The following FAM90A1 variants were observed in gnomAD, a reference collection of about 807,000 sequenced individuals.
FAM90A1 encodes protein FAM90A1.
A neutral mutation model predicts 14.8 loss-of-function variants in FAM90A1; 10 were observed. The observed-to-expected ratio is 0.67, with a 90% CI of 0.42 to 1.14. FAM90A1 has a LOEUF of 1.14. Ranked by LOEUF, FAM90A1 falls within the 50% of genes most tolerant of loss-of-function variation. The probability of loss-of-function intolerance (pLI) is 0.00; values close to 1 mark genes in which losing one functional copy is unlikely to be tolerated. For synonymous variants in FAM90A1, 236 were observed against 248.4 expected, an observed-to-expected ratio of 0.95 and a Z score of 0.47; for missense variants, 567 against 602.8, an observed-to-expected ratio of 0.94 and a Z score of 0.62.
chr12:8,222,666 G>A lies in FAM90A1; in HGVS notation c.551C>T (p.Ser184Phe), dbSNP rs781350291. Residue 184 changes from serine to phenylalanine, a missense_variant, in exon 7 of 7, where the codon TCT becomes TTT. Coordinates refer to ENST00000538603, the MANE Select transcript of FAM90A1 (RefSeq NM_018088.3). ...GCTCAGACTGGCTTTTCTGAGGGGA[G>A]ACAGTGAAGCTAAGACGGAGCCCCT... ...SDRGSVLASL[S>F]PLRKASLSSS... 32 of 1,610,996 alleles carry A rather than the reference G, an allele frequency of 2.0e-5. No homozygotes were observed. The highest frequency in any genetic ancestry group is 2.5e-5 in the Non-Finnish European group (29 of 1,179,870).
At position 8,222,276 on chromosome 12, in the gene FAM90A1, T is replaced by C. The variant is rs368454789; in HGVS notation, c.941A>G (p.Gln314Arg). ...TCCCTGGATGGCGCTTTCGGGGATC[T>C]GGAAGGGACCCAGTCTCGGTTTCTT... is the stretch of plus-strand genomic sequence containing the variant. ...FPKKPRLGPFQIPESAIQGGE... is the reference protein window; with the variant it reads ...FPKKPRLGPFRIPESAIQGGE... The change falls in exon 7 of 7, where the codon CAG (glutamine) becomes CGG (arginine). Residue 314 changes from glutamine to arginine, a missense_variant. Gln to Arg is a conservative substitution (Grantham distance 43). Transcript: ENST00000538603. The C allele has an allele frequency of 8.2e-5, 132 of 1,611,346 alleles. No individual in the cohort carries two copies. The African/African-American group carries it at 1.5e-3, about 18-fold the overall frequency.
rs756600448 is a variant in FAM90A1 at position 8,221,870 on chromosome 12, G to A, written c.1347C>T (p.Asp449=). The part of the protein sequence containing the change: ...VRVPPSVLYE[D]LQVPSSSEDS... ...CCTCTGAGGAGGAGGGAACCTGAAG[G>A]TCCTCATAGAGGACGCTTGGTGGGA... is the stretch of plus-strand genomic sequence containing the variant. Residue 449 remains aspartate, a synonymous_variant, in exon 7 of 7, where the codon GAC becomes GAT. Transcript: ENST00000538603. The A allele has an allele frequency of 1.3e-5, 21 of 1,596,306 alleles. No individual in the cohort carries two copies. The highest frequency in any genetic ancestry group is 1.6e-5 in the Non-Finnish European group (19 of 1,179,740).
chr12:8,223,512 C>T lies in FAM90A1; in HGVS notation c.369G>A (p.Arg123=). ...TTGGCAGCGGCTTCTCTGGAGGTTT[C>T]CTGGAAAATATGTGGAGGAGAGCCT... ...QRKALLHIFS[R]KPPEKPLPNQ... is the part of the protein sequence containing the mutation. The change falls in exon 6 of 7, where the codon AGG becomes AGA. Residue 123 remains arginine (R), a synonymous_variant. Transcript: ENST00000538603. 6.2e-7 allele frequency: 1 copy of T among 1,608,650 alleles called. No individual in the cohort carries two copies. The highest frequency in any genetic ancestry group is 8.5e-7 in the Non-Finnish European group (1 of 1,176,716).
At position 8,222,141 on chromosome 12, in the gene FAM90A1, C is replaced by T; in HGVS notation, c.1076G>A (p.Gly359Asp). Residue 359 changes from glycine to aspartate, a missense_variant, in exon 7 of 7, where the codon GGC becomes GAC. Coordinates refer to ENST00000538603, the MANE Select transcript of FAM90A1 (RefSeq NM_018088.3). Reference sequence around the variant, plus strand: ...TCTGCTGTGCGGAGGCTGCCGGTCGCCGCTAAGCACCTGGGCGGGTGTCCT... The same window carrying T: ...TCTGCTGTGCGGAGGCTGCCGGTCGTCGCTAAGCACCTGGGCGGGTGTCCT... ...GTRTPAQVLSGDRQPPHSRPC... is the reference protein window; with the variant it reads ...GTRTPAQVLSDDRQPPHSRPC... 3 of 1,612,038 alleles carry T rather than the reference C, an allele frequency of 1.9e-6. No homozygotes were observed. Among genetic ancestry groups the T allele is most frequent in the Non-Finnish European group, 2.5e-6 (3 of 1,179,846 alleles).
At chr12:8,226,093 C>T (rs1380608359) in intron 2 of FAM90A1, 101 bp from the exon 3 acceptor site, 1 of 152,128 alleles carries the variant, frequency 6.6e-6, no homozygotes, top group Non-Finnish European at 1.5e-5. Flanking sequence ...GCACAGCCCA[C>T]TCTAAGATCA....
Position 8,224,166 on chromosome 12 carries a change from C to G in FAM90A1, c.173G>C (p.Arg58Thr), listed in dbSNP as rs139813393. 1.3e-5 allele frequency: 21 copies of G among 1,611,922 alleles called. No individual in the cohort carries two copies. The highest frequency in any genetic ancestry group is 1.8e-5 in the Non-Finnish European group (21 of 1,179,852). The change falls in exon 5 of 7, where the codon AGG becomes ACG. Residue 58 changes from arginine (R) to threonine (T), a missense_variant. Physicochemically the swap from Arg to Thr is moderately conservative, Grantham distance 71. Transcript: ENST00000538603. ...EAFGHTARSTRCPMKCWKAAL... is the reference protein window; with the variant it reads ...EAFGHTARSTTCPMKCWKAAL... ...TGCCTTCCAGCACTTCATGGGGCAC[C>G]TGGTACTTCTGGCCGTGTGGCCAAA...
rs773724484 is a variant in FAM90A1 at position 8,222,110 on chromosome 12, G to T, written c.1107C>A (p.Cys369Ter). 2.0e-5 allele frequency: 32 copies of T among 1,611,274 alleles called. No individual in the cohort carries two copies. Among genetic ancestry groups the T allele is most frequent in the Non-Finnish European group, 1.5e-5 (18 of 1,180,004 alleles). ...TGGTGCAGGCCTGGGCAGTAGGCAG[G>T]CAAGGTCTGCTGTGCGGAGGCTGCC... ...GDRQPPHSRPCLPTAQACTMS... is the reference protein window; with the variant it reads ...GDRQPPHSRP Residue 369 changes from cysteine to a stop codon, truncating the protein, a stop_gained, in exon 7 of 7, where the codon TGC becomes TGA. Transcript: ENST00000538603. LOFTEE classifies it low-confidence loss of function (END_TRUNC).
Position 8,224,703 on chromosome 12 carries a change from G to C in FAM90A1, c.123+7C>G, listed in dbSNP as rs1477259799. The stretch of plus-strand genomic sequence containing the variant: ...CCAATACCCAAGAGATCCAGGGCTA[G>C]ACTTACCCTGGGATCTTCTTCATCG... On this transcript the variant is annotated splice_region_variant and intron_variant, in intron 4 of 6. Coordinates refer to ENST00000538603, the MANE Select transcript of FAM90A1 (RefSeq NM_018088.3). 5 of 1,468,762 alleles carry C rather than the reference G, an allele frequency of 3.4e-6. No homozygotes were observed. Among genetic ancestry groups the C allele is most frequent in the African/African-American group, 2.9e-5 (2 of 69,918 alleles). The allele number at this position is 1,468,762 out of a possible 1,614,324, so 91.0% of individuals were successfully genotyped here.
intron 2 of FAM90A1, 69 bp from the exon 3 acceptor site, chr12:8,226,061 C>G (rs1368463549): frequency 6.6e-6 from 1 of 152,030 alleles, no homozygotes; most frequent in Non-Finnish European, 1.5e-5. Context: ...AATCCAATTA[C>G]ATGACTCGGA....
chr12:8,224,107 C>T lies in FAM90A1; in HGVS notation c.232G>A (p.Gly78Arg). ...LVPPNFGEKEGKENLKPWKPQ... is the reference protein window; with the variant it reads ...LVPPNFGEKERKENLKPWKPQ... ...TTCCATGGTTTCAGGTTTTCCTTCCCTTCCTTTTCCCCAAAGTTCGGTGGA... is the reference window on the plus strand; with the variant it reads ...TTCCATGGTTTCAGGTTTTCCTTCCTTTCCTTTTCCCCAAAGTTCGGTGGA... The change falls in exon 5 of 7, where the codon GGG (glycine) becomes AGG (arginine). Residue 78 changes from glycine (G) to arginine (R), a missense_variant. Gly to Arg is a moderately radical substitution (Grantham distance 125, BLOSUM62 -2). Transcript: ENST00000538603. The T allele has an allele frequency of 6.2e-7, 1 of 1,612,066 alleles. No homozygotes were observed. The highest frequency in any genetic ancestry group is 8.5e-7 in the Non-Finnish European group (1 of 1,179,872).
chr12:8,221,609 G>C lies in FAM90A1; in HGVS notation c.*213C>G, dbSNP rs1316532002. 2 of 626,936 alleles carry C rather than the reference G, an allele frequency of 3.2e-6. No homozygotes were observed. The highest frequency in any genetic ancestry group is 2.8e-6 in the Non-Finnish European group (1 of 363,562). 38.8% of individuals were successfully genotyped at this position (626,936 alleles called of 1,614,324 possible). A position where few individuals can be genotyped will look rare whatever the true frequency, so the allele number is the denominator to read the frequency against. On this transcript the variant is annotated 3_prime_UTR_variant, in exon 7 of 7. Transcript: ENST00000538603. ...TCCTGGCGCGTTTCCAGAGAACCAT[G>C]CGAACTACAATGTCCCTCACCAGAA...
intron 4 of FAM90A1, 151 bp downstream of exon 4, chr12:8,224,559 C>T: frequency 1.3e-6 from 1 of 762,384 alleles, no homozygotes; most frequent in South Asian, 1.8e-5. Context: ...GAGGAGGTCC[C>T]AAGCCACGCC....
chr12:8,226,818 TTTTTTTTTTG>T (rs1948954373), intron 1 of FAM90A1, among the ~76,000 whole-genome samples: 1 of 124,312 alleles, frequency 8.0e-6, no homozygotes, highest in Admixed American at 8.3e-5. Flanking sequence ...TTTTTTTTTT[TTTTTTTTTTG>T]AGACACAGTC....
intron 1 of FAM90A1, among the ~76,000 whole-genome samples, chr12:8,226,983 A>G (rs1268348759): frequency 2.0e-5 from 3 of 151,710 alleles, no homozygotes; most frequent in African/African-American, 7.3e-5. Flanking sequence ...TGGTATTTTT[A>G]GTAGAAACAG....
At chr12:8,227,445 C>G in intron 1 of FAM90A1, 35 bp downstream of exon 1, 1 of 522,818 alleles carries the variant, frequency 1.9e-6, no homozygotes, top group East Asian at 3.6e-5. Flanking sequence ...GCTGGGTCCA[C>G]CCAGTGGGCG....
rs1414134046 is a variant in FAM90A1 at position 8,222,860 on chromosome 12, C to G, written c.433-76G>C. The G allele has an allele frequency of 1.3e-5, 19 of 1,478,034 alleles. No individual in the cohort carries two copies. The Admixed American group carries it at 3.7e-4, about 29-fold the overall frequency. The allele number at this position is 1,478,034 out of a possible 1,614,324, so 91.6% of individuals were successfully genotyped here. ...CATGAAAATCAACCACATCCAAAGACAAGGTGCACACGCCATGAAATTCTT... is the reference window on the plus strand; with the variant it reads ...CATGAAAATCAACCACATCCAAAGAGAAGGTGCACACGCCATGAAATTCTT... On this transcript the variant is annotated intron_variant, in intron 6 of 6. Transcript: ENST00000538603.
At chr12:8,223,911 T>A in intron 5 of FAM90A1, 105 bp downstream of exon 5, 1 of 1,174,550 alleles carries the variant, frequency 8.5e-7, no homozygotes, top group Non-Finnish European at 1.2e-6. Flanking sequence ...GCAGCGTTCC[T>A]TCCCTGGCCC....
In FAM90A1 at chr12:8,225,938, G is replaced by A. The variant is rs1361746141; in HGVS notation, c.-159C>T. On this transcript the variant is annotated 5_prime_UTR_variant, in exon 3 of 7. Transcript: ENST00000538603. Reference sequence around the variant, plus strand: ...TGCAGCATCCAGGAAGACGGAGGAAGGGGCAGAGAGGGACCTCTGCTTTCC... The same window carrying A: ...TGCAGCATCCAGGAAGACGGAGGAAAGGGCAGAGAGGGACCTCTGCTTTCC... 6.6e-6 allele frequency: 1 copy of A among 152,276 alleles called. No homozygotes were observed. The highest frequency in any genetic ancestry group is 1.5e-5 in the Non-Finnish European group (1 of 68,056). The allele number at this position is 152,276 out of a possible 1,614,324, so 9.4% of individuals were successfully genotyped here.
At chr12:8,223,871 G>A (rs1372772357) in intron 5 of FAM90A1, 145 bp downstream of exon 5, 39 of 928,706 alleles carry the variant, frequency 4.2e-5, no homozygotes, top group Non-Finnish European at 5.1e-5. Flanking sequence ...GTGGAACTCC[G>A]GAAGACACAG....
Sources: gnomAD v4.1 joint callset for allele counts (sites outside exome capture counted in the v4.1 genomes callset) on GRCh38, gnomAD v4.1.1 for gene constraint, MANE v1.5 for transcripts, NCBI Gene and HGNC (gene_info 2026-07-23, HGNC 2026-07-21) for gene names.